CDH12: variants seen among roughly 807,000 people sequenced by gnomAD.
The protein encoded by CDH12 is cadherin 12, also known as cadherin-12.
In CDH12, 41 loss-of-function variants were observed where a neutral mutation model predicts 74.1. The observed-to-expected ratio is 0.55, with a 90% CI of 0.43 to 0.72. The LOEUF is 0.72. Ranked by LOEUF, CDH12 falls within the 30% of genes least tolerant of loss-of-function variation. The pLI is 0.00. For missense variants in CDH12, 945 were observed against 977.2 expected, an observed-to-expected ratio of 0.97 and a Z score of 0.44; for synonymous variants, 399 against 355.0, an observed-to-expected ratio of 1.12 and a Z score of -1.39.
chr5:22,702,332 T>A (rs269021), intron 1 of CDH12, among the ~76,000 whole-genome samples: 10,110 of 152,214 alleles, frequency 0.066, 661 homozygotes, highest in African/African-American at 0.17. Flanking sequence ...GTCACCCATA[T>A]ACAGGTAGGA....
rs180952421 is a variant in CDH12 at position 22,579,228 on chromosome 5, G to A, written c.-522-73864C>T. ...AATATTAGTTCCCTTAGGCTACTGTGACTACTTCCCTAGGAGACACTGTGC... is the reference window on the plus strand; with the variant it reads ...AATATTAGTTCCCTTAGGCTACTGTAACTACTTCCCTAGGAGACACTGTGC... On this transcript the variant is annotated intron_variant, in intron 1 of 14. Coordinates refer to ENST00000382254, the MANE Select transcript of CDH12 (RefSeq NM_004061.5). 2.9e-4 allele frequency among the ~76,000 whole-genome samples: 44 copies of A among 152,206 alleles called. No individual in the cohort carries two copies. The East Asian group carries it at 2.9e-3, about 10-fold the overall frequency.
chr5:21,770,179 A>T (rs75513024), intron 11 of CDH12, among the ~76,000 whole-genome samples: 4,819 of 152,288 alleles, frequency 0.032, 180 homozygotes, highest in East Asian at 0.15. Flanking sequence ...TACCTCGTAG[A>T]TGTGTTTCCA....
chr5:22,707,740 A>C (rs565567150), intron 1 of CDH12, among the ~76,000 whole-genome samples: 2 of 152,180 alleles, frequency 1.3e-5, no homozygotes, highest in Admixed American at 6.6e-5. Context: ...CCTTTCAAAA[A>C]TACAAAATCA....
chr5:21,942,380 A>G (rs1374051472), intron 6 of CDH12, among the ~76,000 whole-genome samples: 1 of 147,914 alleles, frequency 6.8e-6, no homozygotes, highest in Non-Finnish European at 1.5e-5. Flanking sequence ...ACACACACAC[A>G]CACACACACA....
intron 5 of CDH12, among the ~76,000 whole-genome samples, chr5:22,012,123 G>C (rs1737334241): frequency 7.5e-6 from 1 of 132,660 alleles, no homozygotes; most frequent in Admixed American, 7.2e-5. Context: ...ATTAACGATT[G>C]ATTTAAACAA....
In CDH12 at chr5:22,042,178, G is replaced by C. The variant is rs546684794; in HGVS notation, c.231+36268C>G. 1.0e-3 allele frequency among the ~76,000 whole-genome samples: 158 copies of C among 152,074 alleles called. 1 individual carries two copies. The highest frequency in any genetic ancestry group is 3.6e-3 in the African/African-American group (150 of 41,496). ...AGCAGGATTCAGAGGAAAGTTTATA[G>C]TGACAAATGCCTACATTAAAAAAAA... On this transcript the variant is annotated intron_variant, in intron 5 of 14. Transcript: ENST00000382254.
chr5:22,419,755 A>G (rs572811133), intron 2 of CDH12, among the ~76,000 whole-genome samples: 2 of 152,330 alleles, frequency 1.3e-5, no homozygotes, highest in South Asian at 4.1e-4. Flanking sequence ...GCACTAATTT[A>G]CATTTCCACC....
At chr5:21,945,578 A>T (rs965051702) in intron 6 of CDH12, among the ~76,000 whole-genome samples, 35 of 151,838 alleles carry the variant, frequency 2.3e-4, no homozygotes, top group African/African-American at 6.8e-4. Flanking sequence ...AAATTCAATA[A>T]TGACATAAGT....
At chr5:22,683,304 T>G (rs1400989740) in intron 1 of CDH12, among the ~76,000 whole-genome samples, 1 of 152,180 alleles carries the variant, frequency 6.6e-6, no homozygotes, top group African/African-American at 2.4e-5. Context: ...ATTAATGATT[T>G]CAGAGCTGGA....
At chr5:22,518,481 G>A (rs541416686) in intron 1 of CDH12, among the ~76,000 whole-genome samples, 5 of 152,146 alleles carry the variant, frequency 3.3e-5, no homozygotes, top group African/African-American at 7.2e-5. Context: ...TTGGATCTGC[G>A]CTTTGATAAT....
At chr5:21,927,362 G>T (rs1754632293) in intron 6 of CDH12, among the ~76,000 whole-genome samples, 1 of 151,962 alleles carries the variant, frequency 6.6e-6, no homozygotes, top group African/African-American at 2.4e-5. Flanking sequence ...CAGGTCGGCA[G>T]ATCGCTTGAG....
At chr5:22,431,180 C>A (rs1744156563) in intron 2 of CDH12, among the ~76,000 whole-genome samples, 1 of 152,106 alleles carries the variant, frequency 6.6e-6, no homozygotes, top group African/African-American at 2.4e-5. Flanking sequence ...ACTAGCAGAA[C>A]AATGTATAGG....
chr5:21,772,744 T>C (rs1222354336), intron 11 of CDH12, among the ~76,000 whole-genome samples: 1 of 152,186 alleles, frequency 6.6e-6, no homozygotes, highest in Non-Finnish European at 1.5e-5. Context: ...TAATTGTGAA[T>C]TCTCTCTTGC....
intron 1 of CDH12, among the ~76,000 whole-genome samples, chr5:22,604,230 C>T (rs1736987914): frequency 6.6e-6 from 1 of 152,164 alleles, no homozygotes; most frequent in African/African-American, 2.4e-5. Flanking sequence ...TAAATATCAG[C>T]TATTTCTGGG....
At chr5:22,365,257 A>G (rs1303849604) in intron 3 of CDH12, among the ~76,000 whole-genome samples, 1 of 152,184 alleles carries the variant, frequency 6.6e-6, no homozygotes, top group Non-Finnish European at 1.5e-5. Context: ...AGTACAGCTC[A>G]AGTATAAGCA....
chr5:21,964,447 T>G (rs1380362304), intron 6 of CDH12, among the ~76,000 whole-genome samples: 4 of 152,026 alleles, frequency 2.6e-5, no homozygotes, highest in African/African-American at 9.7e-5. Context: ...CCTGCAGCAT[T>G]CTGCCTTTCT....
intron 3 of CDH12, among the ~76,000 whole-genome samples, chr5:22,265,582 A>G (rs1464633813): frequency 1.3e-5 from 2 of 152,190 alleles, no homozygotes; most frequent in Non-Finnish European, 2.9e-5. Flanking sequence ...AATAATCAAT[A>G]TATTCATTGA....
intron 8 of CDH12, among the ~76,000 whole-genome samples, chr5:21,835,431 T>C (rs1749477744): frequency 6.6e-6 from 1 of 151,752 alleles, no homozygotes; most frequent in Admixed American, 6.6e-5. Flanking sequence ...GAACACTTGT[T>C]TTTAGCAGGC....
chr5:22,697,240 TG>T (rs1742417657), intron 1 of CDH12, among the ~76,000 whole-genome samples: 2 of 152,114 alleles, frequency 1.3e-5, no homozygotes. Context: ...ACAGAGATGT[TG>T]CAGGTGAGGT....
Sources: allele counts gnomAD v4.1 joint callset (sites outside exome capture counted in the v4.1 genomes callset), GRCh38; gene constraint gnomAD v4.1.1; transcripts MANE v1.5; gene names NCBI Gene and HGNC (gene_info 2026-07-23, HGNC 2026-07-21).